The following DDHD1 variants were observed in gnomAD, a reference collection of about 807,000 sequenced individuals.
The protein encoded by DDHD1 is DDHD domain containing 1.
In DDHD1, 49 loss-of-function variants were observed where a neutral mutation model predicts 96.4. The observed-to-expected ratio is 0.51, with a 90% CI of 0.40 to 0.64. The LOEUF is 0.64. DDHD1 is among the 30% of genes least tolerant of loss of function. The probability of loss-of-function intolerance (pLI) is 0.00; values close to 1 mark genes in which losing one functional copy is unlikely to be tolerated. For synonymous variants in DDHD1, 442 were observed against 446.5 expected, an observed-to-expected ratio of 0.99 and a Z score of 0.13; for missense variants, 1,106 against 1,161.2, an observed-to-expected ratio of 0.95 and a Z score of 0.69.
intron 8 of DDHD1, among the ~76,000 whole-genome samples, chr14:53,060,648 T>C (rs1027833065): frequency 4.6e-5 from 7 of 152,196 alleles, no homozygotes; most frequent in African/African-American, 1.7e-4. Flanking sequence ...AAATAGTAAA[T>C]ATTTCTCATC....
intron 1 of DDHD1, among the ~76,000 whole-genome samples, chr14:53,125,196 T>C (rs1000608925): frequency 2.0e-5 from 3 of 152,230 alleles, no homozygotes; most frequent in Non-Finnish European, 4.4e-5. Context: ...CAAATTTTAA[T>C]TCATGGAGGT....
At chr14:53,134,439 G>A (rs1034999688) in intron 1 of DDHD1, among the ~76,000 whole-genome samples, 4 of 151,442 alleles carry the variant, frequency 2.6e-5, no homozygotes, top group Non-Finnish European at 5.9e-5. Context: ...TTTCATTCTC[G>A]TCTTATGCCA....
At chr14:53,088,382 G>A (rs1442551117) in intron 4 of DDHD1, among the ~76,000 whole-genome samples, 1 of 152,144 alleles carries the variant, frequency 6.6e-6, no homozygotes, top group Non-Finnish European at 1.5e-5. Flanking sequence ...GAGAATTTCA[G>A]ACCAATATCC....
intron 1 of DDHD1, among the ~76,000 whole-genome samples, chr14:53,128,692 A>G (rs75567949): frequency 1.3e-4 from 20 of 152,368 alleles, no homozygotes; most frequent in African/African-American, 4.8e-4. Flanking sequence ...CCAGAAGCCA[A>G]CAGTTCTGAT....
chr14:53,105,135 A>T (rs1354866299), intron 1 of DDHD1, among the ~76,000 whole-genome samples: 2 of 152,154 alleles, frequency 1.3e-5, no homozygotes, highest in East Asian at 3.8e-4. Context: ...ATAAATTTTA[A>T]TTAAAAACTT....
chr14:53,125,901 C>T lies in DDHD1; in HGVS notation c.839-22045G>A, dbSNP rs551795286. Among the ~76,000 whole-genome samples, 50 of 152,212 alleles carry T rather than the reference C, an allele frequency of 3.3e-4. No individual in the cohort carries two copies. In the South Asian group the frequency reaches 5.0e-3, roughly 15 times the overall value. Reference sequence around the variant, plus strand: ...TATCTTTAGTAGAGACAGGGTTTCACCATGTTGACCAGGCTGGTCTCGAAC... The same window carrying T: ...TATCTTTAGTAGAGACAGGGTTTCATCATGTTGACCAGGCTGGTCTCGAAC... On this transcript the variant is annotated intron_variant, in intron 1 of 12. Transcript: ENST00000673822.
At position 53,153,191 on chromosome 14, in the gene DDHD1, G is replaced by T. The variant is rs904706545; in HGVS notation, c.-93C>A. On this transcript the variant is annotated 5_prime_UTR_variant, in exon 1 of 13. Coordinates refer to ENST00000673822, the MANE Select transcript of DDHD1 (RefSeq NM_001160148.2). ...TTCAACGCCGCCGCCCTCTCCACCC[G>T]AAGTTTCTAATCTTTCAAATCCCGA... The T allele has an allele frequency of 2.6e-6, 3 of 1,145,674 alleles. No individual in the cohort carries two copies. The highest frequency in any genetic ancestry group is 4.2e-5 in the Admixed American group (1 of 24,012). 71.0% of individuals were successfully genotyped at this position (1,145,674 alleles called of 1,614,324 possible).
intron 1 of DDHD1, among the ~76,000 whole-genome samples, chr14:53,135,544 C>T (rs775645400): frequency 2.0e-5 from 3 of 152,188 alleles, no homozygotes; most frequent in East Asian, 1.9e-4. Context: ...CACATGGACG[C>T]GTGTGACACA....
chr14:53,089,560 G>A (rs1886262549), intron 4 of DDHD1, among the ~76,000 whole-genome samples: 1 of 152,132 alleles, frequency 6.6e-6, no homozygotes, highest in African/African-American at 2.4e-5. Context: ...AACAAGAAAT[G>A]GGGAAAGGAT....
In DDHD1 at chr14:53,055,642, A is replaced by T. The variant is rs1461312213; in HGVS notation, c.2245+18T>A. Reference sequence around the variant, plus strand: ...AAGTGCTTATATGCATAGATAAGGAATACATAAGAGAAATTACCTAATATG... The same window carrying T: ...AAGTGCTTATATGCATAGATAAGGATTACATAAGAGAAATTACCTAATATG... On this transcript the variant is annotated intron_variant, in intron 10 of 12. Coordinates refer to ENST00000673822, the MANE Select transcript of DDHD1 (RefSeq NM_001160148.2). 2.5e-6 allele frequency: 4 copies of T among 1,612,078 alleles called. No individual in the cohort carries two copies. In the East Asian group the frequency reaches 8.9e-5, roughly 36 times the overall value.
At chr14:53,144,692 T>C (rs1672320822) in intron 1 of DDHD1, among the ~76,000 whole-genome samples, 1 of 152,252 alleles carries the variant, frequency 6.6e-6, no homozygotes, top group African/African-American at 2.4e-5. Context: ...GAAGCAATTC[T>C]ACAGAATGAG....
At position 53,126,054 on chromosome 14, in the gene DDHD1, T is replaced by C. The variant is rs1167401635; in HGVS notation, c.839-22198A>G. On this transcript the variant is annotated intron_variant, in intron 1 of 12. Coordinates refer to ENST00000673822, the MANE Select transcript of DDHD1 (RefSeq NM_001160148.2). ...AACTTAATAAACCAGTCTCTGAAGATAGGGTCCAGAAATATGTACTTTAAG... is the reference window on the plus strand; with the variant it reads ...AACTTAATAAACCAGTCTCTGAAGACAGGGTCCAGAAATATGTACTTTAAG... 2.6e-5 allele frequency among the ~76,000 whole-genome samples: 4 copies of C among 152,172 alleles called. No homozygotes were observed. In the South Asian group the frequency reaches 6.2e-4, roughly 24 times the overall value.
At position 53,152,995 on chromosome 14, in the gene DDHD1, C is replaced by A. The variant is rs2139940211; in HGVS notation, c.104G>T (p.Gly35Val). The A allele has an allele frequency of 6.5e-7, 1 of 1,547,384 alleles. No homozygotes were observed. Among genetic ancestry groups the A allele is most frequent in the Admixed American group, 2.0e-5 (1 of 50,410 alleles). The change falls in exon 1 of 13, where the codon GGC becomes GTC. Residue 35 changes from glycine (G) to valine (V), a missense_variant. By Grantham distance (109) the Gly-to-Val change is moderately radical. Coordinates refer to ENST00000673822, the MANE Select transcript of DDHD1 (RefSeq NM_001160148.2). The part of the protein sequence containing the change: ...ELGSDARPAF[G>V]GGVCCFEHLP... ...GTGCTCGAAGCAGCAGACGCCGCCG[C>A]CGAACGCTGGCCTCGCGTCTGAGCC...
At chr14:53,063,237 G>C (rs1883750713) in intron 6 of DDHD1, 32 bp from the exon 7 acceptor site, 1 of 1,600,264 alleles carries the variant, frequency 6.2e-7, no homozygotes, top group Non-Finnish European at 8.5e-7. Context: ...TATCATATTA[G>C]ACTTGTCACT....
At chr14:53,076,053 A>G (rs1379715427) in intron 4 of DDHD1, among the ~76,000 whole-genome samples, 1 of 152,216 alleles carries the variant, frequency 6.6e-6, no homozygotes, top group Admixed American at 6.5e-5. Flanking sequence ...CTGCTAACAC[A>G]ATATCCACTC....
rs906493468 is a variant in DDHD1 at position 53,042,369 on chromosome 14, T to C, written c.*4399A>G. The C allele has an allele frequency of 3.9e-5, 6 of 152,198 alleles. No homozygotes were observed. The highest frequency in any genetic ancestry group is 2.6e-4 in the Admixed American group (4 of 15,272). 9.4% of individuals were successfully genotyped at this position (152,198 alleles called of 1,614,324 possible). ...TGCCCCTTCCAGCTTTAAAATTCCA[T>C]CATTAATATTTTTTTACTTTACCAC... On this transcript the variant is annotated 3_prime_UTR_variant, in exon 13 of 13. Transcript: ENST00000673822.
intron 1 of DDHD1, among the ~76,000 whole-genome samples, chr14:53,105,671 T>C (rs1481999316): frequency 6.6e-6 from 1 of 152,198 alleles, no homozygotes; most frequent in Non-Finnish European, 1.5e-5. Flanking sequence ...ATGGTTGGAA[T>C]CACTGTTTTA....
At chr14:53,127,563 C>G (rs1889544263) in intron 1 of DDHD1, among the ~76,000 whole-genome samples, 1 of 152,208 alleles carries the variant, frequency 6.6e-6, no homozygotes, top group Non-Finnish European at 1.5e-5. Flanking sequence ...TTACACACAG[C>G]TACATCAAGA....
intron 4 of DDHD1, among the ~76,000 whole-genome samples, chr14:53,089,743 A>T (rs1886277855): frequency 1.3e-5 from 2 of 152,220 alleles, no homozygotes; most frequent in Non-Finnish European, 2.9e-5. Flanking sequence ...AAACCATAAA[A>T]ACCCTAGAAG....
Sources: allele counts gnomAD v4.1 joint callset (sites outside exome capture counted in the v4.1 genomes callset), GRCh38; gene constraint gnomAD v4.1.1; transcripts MANE v1.5; gene names NCBI Gene and HGNC (gene_info 2026-07-23, HGNC 2026-07-21).